QSOX1: variants seen among roughly 807,000 people sequenced by gnomAD.
QSOX1 encodes quiescin sulfhydryl oxidase 1.
A neutral mutation model predicts 76.1 loss-of-function variants in QSOX1; 40 were observed. That is an observed-to-expected ratio of 0.53 (90% CI 0.41 to 0.68). The LOEUF (loss-of-function observed/expected upper bound fraction) is 0.68, where lower values mean the gene tolerates loss of function less well. QSOX1 is among the 30% of genes least tolerant of loss of function. The pLI, the probability that QSOX1 is intolerant of heterozygous loss-of-function variation, is 0.00. For synonymous variants in QSOX1, 392 were observed against 413.1 expected (o/e 0.95, Z 0.62); for missense variants, 931 against 974.3 (o/e 0.96, Z 0.59).
In QSOX1 at chr1:180,186,121, TCCCGGTC is replaced by T. The variant is rs1220181258; in HGVS notation, c.958_964del (p.Pro320TrpfsTer9). The T allele has an allele frequency of 3.7e-6, 6 of 1,614,220 alleles. No individual in the cohort carries two copies. Among genetic ancestry groups the T allele is most frequent in the Non-Finnish European group, 5.1e-6 (6 of 1,180,046 alleles). On this transcript the variant is annotated frameshift_variant, in exon 8 of 12. Coordinates refer to ENST00000367602, the MANE Select transcript of QSOX1 (RefSeq NM_002826.5). LOFTEE classifies it high-confidence loss of function. ...ATCCTGCGGATAGAAGTGGGCAGGT[TCCCGGTC>T]CTGGAAGGGCAGCGCCTGGTGGCCC...
Position 180,200,208 on chromosome 1 carries a change from T to C in QSOX1, c.*3171T>C, listed in dbSNP as rs1468461941. ...GATAACTTATCCCCTTGTCCCCATG[T>C]GTCATTGGAGATAAACTACCCACCT... is the stretch of plus-strand genomic sequence containing the variant. On this transcript the variant is annotated 3_prime_UTR_variant, in exon 12 of 12. Coordinates refer to ENST00000367602, the MANE Select transcript of QSOX1 (RefSeq NM_002826.5). 1 of 152,210 alleles carries C rather than the reference T, an allele frequency of 6.6e-6. No homozygotes were observed. The highest frequency in any genetic ancestry group is 2.4e-5 in the African/African-American group (1 of 41,448). 9.4% of individuals were successfully genotyped at this position (152,210 alleles called of 1,614,324 possible). A position where few individuals can be genotyped will look rare whatever the true frequency, so the allele number is the denominator to read the frequency against.
At chr1:180,173,719 GT>G (rs1662814106) in intron 2 of QSOX1, among the ~76,000 whole-genome samples, 1 of 152,148 alleles carries the variant, frequency 6.6e-6, no homozygotes, top group South Asian at 2.1e-4. Context: ...GCTGATCATG[GT>G]TCCTAGTGTT....
At position 180,196,350 on chromosome 1, in the gene QSOX1, G is replaced by T. The variant is rs754163495; in HGVS notation, c.1557G>T (p.Val519=). The change falls in exon 12 of 12, where the codon GTG becomes GTT. Residue 519 remains valine (V), a synonymous_variant. Coordinates refer to ENST00000367602, the MANE Select transcript of QSOX1 (RefSeq NM_002826.5). This position sits in a 1 kb window ranked among gnomAD's most constrained non-coding sequence, Gnocchi z 4.1. ...CSACHNERLD[V]PVWDVEATLN... is the part of the protein sequence containing the mutation. ...CCTGCCACAATGAACGCCTGGATGT[G>T]CCCGTGTGGGACGTGGAAGCCACCC... 1.2e-6 allele frequency: 2 copies of T among 1,614,170 alleles called. No individual in the cohort carries two copies. The highest frequency in any genetic ancestry group is 1.1e-5 in the South Asian group (1 of 91,080).
intron 1 of QSOX1, 122 bp downstream of exon 1, chr1:180,155,294 C>T (rs1483435241): frequency 3.2e-6 from 3 of 932,734 alleles, no homozygotes; most frequent in Non-Finnish European, 4.5e-6. Context: ...CCACCTCTTC[C>T]TCTCCGCGCA....
intron 2 of QSOX1, among the ~76,000 whole-genome samples, chr1:180,171,366 G>A (rs900619662): frequency 4.9e-5 from 7 of 144,274 alleles, no homozygotes; most frequent in African/African-American, 2.0e-4. Context: ...GTGGCAGGGA[G>A]GGGGACTGGT....
At chr1:180,167,480 G>T (rs1002454831) in intron 2 of QSOX1, among the ~76,000 whole-genome samples, 8 of 152,174 alleles carry the variant, frequency 5.3e-5, no homozygotes, top group African/African-American at 1.4e-4. Context: ...GGGCAGCCAA[G>T]TTTCAAGCAG....
chr1:180,155,302 G>T, intron 1 of QSOX1, 130 bp downstream of exon 1: 2 of 852,024 alleles, frequency 2.3e-6, no homozygotes, highest in Non-Finnish European at 3.4e-6. Context: ...TCCTCTCCGC[G>T]CATCCCACGC....
chr1:180,193,571 G>A lies in QSOX1; in HGVS notation c.1289-642G>A, dbSNP rs927157546. The stretch of plus-strand genomic sequence containing the variant: ...AGCAGCCCTGGAGCCTGAGGGTGAA[G>A]GGCTTAGGAGGGGCGTGTTGGATTA... On this transcript the variant is annotated intron_variant, in intron 10 of 11. Transcript: ENST00000367602. Among the ~76,000 whole-genome samples, 3 of 152,026 alleles carry A rather than the reference G, an allele frequency of 2.0e-5. 1 individual carries two copies. In the South Asian group the frequency reaches 6.2e-4, roughly 32 times the overall value.
At chr1:180,167,776 A>G (rs1442303953) in intron 2 of QSOX1, among the ~76,000 whole-genome samples, 2 of 152,238 alleles carry the variant, frequency 1.3e-5, no homozygotes, top group African/African-American at 2.4e-5. Flanking sequence ...GTGGCAGCAG[A>G]GAGTCTGCAT....
chr1:180,177,249 C>CTT (rs1558187979), intron 4 of QSOX1, among the ~76,000 whole-genome samples: 1 of 75,466 alleles, frequency 1.3e-5, no homozygotes, highest in East Asian at 2.3e-4. Context: ...TCAAAGTGAT[C>CTT]CTTTTTTTTT....
At chr1:180,170,941 G>A (rs1662745980) in intron 2 of QSOX1, among the ~76,000 whole-genome samples, 1 of 152,226 alleles carries the variant, frequency 6.6e-6, no homozygotes, top group African/African-American at 2.4e-5. Context: ...TCAGGTTGAA[G>A]TTCATTGCAG....
At chr1:180,164,221 C>A (rs946357564) in intron 1 of QSOX1, among the ~76,000 whole-genome samples, 1 of 152,200 alleles carries the variant, frequency 6.6e-6, no homozygotes, top group South Asian at 2.1e-4. Flanking sequence ...TGCACCCCAG[C>A]TTGCAGATAC....
In QSOX1 at chr1:180,190,577, G is replaced by A; in HGVS notation, c.1285G>A (p.Ala429Thr). ...ARQNVDHSQEAAKAKEVLPAI... is the reference protein window; with the variant it reads ...ARQNVDHSQETAKAKEVLPAI... Reference sequence around the variant, plus strand: ...GCAAAATGTAGACCACTCACAGGAAGCAGGTACGTCCAGGACCCGTTCACC... The same window carrying A: ...GCAAAATGTAGACCACTCACAGGAAACAGGTACGTCCAGGACCCGTTCACC... The change falls in exon 10 of 12, where the codon GCA becomes ACA. Residue 429 changes from alanine (A) to threonine (T), a missense_variant. Transcript: ENST00000367602. 1 of 1,613,446 alleles carries A rather than the reference G, an allele frequency of 6.2e-7. No homozygotes were observed. Among genetic ancestry groups the A allele is most frequent in the Non-Finnish European group, 8.5e-7 (1 of 1,179,586 alleles).
intron 2 of QSOX1, among the ~76,000 whole-genome samples, chr1:180,170,115 C>T (rs1662726924): frequency 6.6e-6 from 1 of 152,120 alleles, no homozygotes; most frequent in African/African-American, 2.4e-5. Context: ...GAGGAGGGAG[C>T]CCAGAAATGG....
intron 1 of QSOX1, among the ~76,000 whole-genome samples, chr1:180,163,339 A>G (rs114529287): frequency 1.8e-4 from 28 of 152,310 alleles, no homozygotes; most frequent in African/African-American, 6.3e-4. Flanking sequence ...GACTTCCTTT[A>G]TAAACCGTGC....
At position 180,154,945 on chromosome 1, in the gene QSOX1, C is replaced by T. The variant is rs1319604898; in HGVS notation, c.38C>T (p.Ser13Leu). The T allele has an allele frequency of 1.3e-6, 2 of 1,482,104 alleles. No homozygotes were observed. The highest frequency in any genetic ancestry group is 2.8e-5 in the East Asian group (1 of 35,306). 91.8% of individuals were successfully genotyped at this position (1,482,104 alleles called of 1,614,324 possible). A position where few individuals can be genotyped will look rare whatever the true frequency, so the allele number is the denominator to read the frequency against. ...AACAGCGGCTCCGGGCCGCCGCCGT[C>T]GCTGCTGCTGCTGCTGCTGTGGCTG... ...RCNSGSGPPPSLLLLLLWLLA... is the reference protein window; with the variant it reads ...RCNSGSGPPPLLLLLLLWLLA... The change falls in exon 1 of 12, where the codon TCG (serine) becomes TTG (leucine). Residue 13 changes from serine (S) to leucine (L), a missense_variant. Ser to Leu is a moderately radical substitution (Grantham distance 145). Transcript: ENST00000367602.
intron 2 of QSOX1, among the ~76,000 whole-genome samples, chr1:180,168,575 T>G (rs971926704): frequency 2.6e-5 from 4 of 152,262 alleles, no homozygotes; most frequent in Non-Finnish European, 5.9e-5. Context: ...TACATTGTGA[T>G]CCCAAAGTTG....
In QSOX1 at chr1:180,164,724, C is replaced by T. The variant is rs1331485236; in HGVS notation, c.266-1767C>T. 5.9e-5 allele frequency among the ~76,000 whole-genome samples: 9 copies of T among 152,126 alleles called. No homozygotes were observed. The South Asian group carries it at 6.2e-4, about 10-fold the overall frequency. On this transcript the variant is annotated intron_variant, in intron 1 of 11. Transcript: ENST00000367602. ...CTGAAATTGTGTTCTTCTGAGACGTCGTAAGGAGTAAGTTCTAGGGTGGAG... is the reference window on the plus strand; with the variant it reads ...CTGAAATTGTGTTCTTCTGAGACGTTGTAAGGAGTAAGTTCTAGGGTGGAG...
rs1663550293 is a variant in QSOX1, at chr1:180,198,104, A to G, written c.*1067A>G. On this transcript the variant is annotated 3_prime_UTR_variant, in exon 12 of 12. Transcript: ENST00000367602. ...AGTCTGGACAGAATGCACAGAGACC[A>G]GCCTCACCTGGAATGCAGCCAGACT... is the stretch of plus-strand genomic sequence containing the variant. The G allele has an allele frequency of 2.2e-6, 1 of 448,036 alleles. No homozygotes were observed. The allele number at this position is 448,036 out of a possible 1,614,324, so 27.8% of individuals were successfully genotyped here.
Sources: gnomAD v4.1 joint callset for allele counts (sites outside exome capture counted in the v4.1 genomes callset) on GRCh38, gnomAD v4.1.1 for gene constraint, Gnocchi (gnomAD v3.1) non-coding constraint, MANE v1.5 for transcripts, NCBI Gene and HGNC (gene_info 2026-07-23, HGNC 2026-07-21) for gene names.